Variants in ZC2HC1B observed in about 807,000 individuals in gnomAD.
ZC2HC1B encodes the protein zinc finger C2HC domain-containing protein 1B.
In ZC2HC1B, 36 loss-of-function variants were observed where a neutral mutation model predicts 31.0. That is an observed-to-expected ratio of 1.16 (90% CI 0.89 to 1.54). The LOEUF is 1.54. ZC2HC1B is among the 40% of genes most tolerant of loss of function. ZC2HC1B has a pLI of 0.00. For missense variants in ZC2HC1B, 260 were observed against 268.6 expected (o/e 0.97, Z 0.22); for synonymous variants, 73 against 88.0 (o/e 0.83, Z 0.95).
intron 1 of ZC2HC1B, among the ~76,000 whole-genome samples, chr6:143,873,871 T>A (rs1777375325): frequency 6.6e-6 from 1 of 152,236 alleles, no homozygotes; most frequent in South Asian, 2.1e-4. Context: ...TGAAATGGCC[T>A]GGAGACATTT....
intron 6 of ZC2HC1B, among the ~76,000 whole-genome samples, chr6:143,925,557 A>G (rs1778027317): frequency 8.4e-6 from 1 of 119,042 alleles, no homozygotes; most frequent in Admixed American, 9.5e-5. Flanking sequence ...TTTTTTTGAG[A>G]CGGAGTTTCG....
At chr6:143,912,940 G>A (rs1777877817) in intron 6 of ZC2HC1B, among the ~76,000 whole-genome samples, 2 of 152,238 alleles carry the variant, frequency 1.3e-5, no homozygotes, top group African/African-American at 4.8e-5. Context: ...CTGTGGGTGG[G>A]ACCTGACTGG....
chr6:143,902,949 C>G, intron 5 of ZC2HC1B, 95 bp from the exon 6 acceptor site: 1 of 1,134,126 alleles, frequency 8.8e-7, no homozygotes, highest in South Asian at 1.4e-5. Context: ...TACCATTCTG[C>G]TGCTGGTTAA....
chr6:143,890,448 C>T (rs563793347), intron 4 of ZC2HC1B, among the ~76,000 whole-genome samples: 2 of 150,014 alleles, frequency 1.3e-5, no homozygotes, highest in Admixed American at 6.6e-5. Context: ...AAAGGAACTT[C>T]CTCCATAAAG....
At chr6:143,866,377 G>A (rs1777262180) in intron 1 of ZC2HC1B, among the ~76,000 whole-genome samples, 1 of 152,250 alleles carries the variant, frequency 6.6e-6, no homozygotes, top group Non-Finnish European at 1.5e-5. Flanking sequence ...ACGCTGTAGA[G>A]TTATCAATTT....
chr6:143,898,757 TC>T, intron 5 of ZC2HC1B, 66 bp downstream of exon 5: 1 of 1,525,902 alleles, frequency 6.6e-7, no homozygotes, highest in Non-Finnish European at 8.9e-7. Context: ...CCGGTAGAAC[TC>T]CCTAGAGAAC....
Position 143,869,607 on chromosome 6 carries a change from C to G in ZC2HC1B, c.28+5040C>G, listed in dbSNP as rs947184175. ...GCATGGAGGATAGGCAAACCCATAT[C>G]CAGAGTGAGTGTTTATTCCAGTGAG... On this transcript the variant is annotated intron_variant, in intron 1 of 7. Coordinates refer to ENST00000237275, the MANE Select transcript of ZC2HC1B (RefSeq NM_001013623.3). The surrounding 1 kb of genome is among the most constrained non-coding windows in gnomAD (Gnocchi z 5.2). Among the ~76,000 whole-genome samples the G allele has an allele frequency of 6.6e-6, 1 of 152,182 alleles. No individual in the cohort carries two copies. Among genetic ancestry groups the G allele is most frequent in the African/African-American group, 2.4e-5 (1 of 41,444 alleles).
chr6:143,869,767 A>C lies in ZC2HC1B; in HGVS notation c.28+5200A>C, dbSNP rs1777314168. ...GGTCTCTGCTGCTGGCAAATTGGGC[A>C]CTCAGCAGTGGCTGTAGTCAGGTCA... On this transcript the variant is annotated intron_variant, in intron 1 of 7. Transcript: ENST00000237275. This position sits in a 1 kb window ranked among gnomAD's most constrained non-coding sequence, Gnocchi z 5.2. 1.3e-5 allele frequency among the ~76,000 whole-genome samples: 2 copies of C among 152,092 alleles called. 1 individual carries two copies. Among genetic ancestry groups the C allele is most frequent in the South Asian group, 4.1e-4 (2 of 4,820 alleles).
intron 4 of ZC2HC1B, 46 bp from the exon 5 acceptor site, chr6:143,898,506 T>G (rs1223199772): frequency 1.0e-5 from 16 of 1,542,710 alleles, no homozygotes; most frequent in Non-Finnish European, 1.4e-5. Flanking sequence ...ATTCTATAGT[T>G]GTTTTTGAAG....
rs1159015604 is a variant in ZC2HC1B at position 143,918,196 on chromosome 6, T to C, written c.598+15044T>C. The stretch of plus-strand genomic sequence containing the variant: ...CCTTTTTTTGGTAAGAGACAGGATC[T>C]TACTTGTTGCCCAGGCTGAACTCAA... On this transcript the variant is annotated intron_variant, in intron 6 of 7. Coordinates refer to ENST00000237275, the MANE Select transcript of ZC2HC1B (RefSeq NM_001013623.3). This position sits in a 1 kb window ranked among gnomAD's most constrained non-coding sequence, Gnocchi z 4.1. 6.8e-6 allele frequency among the ~76,000 whole-genome samples: 1 copy of C among 147,150 alleles called. No homozygotes were observed. Among genetic ancestry groups the C allele is most frequent in the Non-Finnish European group, 1.5e-5 (1 of 66,550 alleles).
chr6:143,935,000 G>A lies in ZC2HC1B; in HGVS notation c.599-2649G>A, dbSNP rs1311206701. ...GTTCCTGGGTGGCATGCATGGGGTTGCCAATAACATTGATGGTGGTAGACC... is the reference window on the plus strand; with the variant it reads ...GTTCCTGGGTGGCATGCATGGGGTTACCAATAACATTGATGGTGGTAGACC... On this transcript the variant is annotated intron_variant, in intron 6 of 7. Coordinates refer to ENST00000237275, the MANE Select transcript of ZC2HC1B (RefSeq NM_001013623.3). This position sits in a 1 kb window ranked among gnomAD's most constrained non-coding sequence, Gnocchi z 4.6. 6.6e-6 allele frequency among the ~76,000 whole-genome samples: 1 copy of A among 152,146 alleles called. No homozygotes were observed. The highest frequency in any genetic ancestry group is 1.5e-5 in the Non-Finnish European group (1 of 68,018).
rs117652954 is a variant in ZC2HC1B, at chr6:143,868,095, A to G, written c.28+3528A>G. Among the ~76,000 whole-genome samples, 167 of 152,122 alleles carry G rather than the reference A, an allele frequency of 1.1e-3. 2 individuals carry two copies. In the East Asian group the frequency reaches 0.022, roughly 20 times the overall value. On this transcript the variant is annotated intron_variant, in intron 1 of 7. Coordinates refer to ENST00000237275, the MANE Select transcript of ZC2HC1B (RefSeq NM_001013623.3). The surrounding 1 kb of genome is among the most constrained non-coding windows in gnomAD (Gnocchi z 4.2). ...TTTCTTCCATTTGTTTCCATTTCCA[A>G]TTTTGCTTTTTGGGAATCTGAAGCC...
At chr6:143,901,687 G>T (rs148021169) in intron 5 of ZC2HC1B, among the ~76,000 whole-genome samples, 55 of 152,282 alleles carry the variant, frequency 3.6e-4, no homozygotes, top group African/African-American at 1.2e-3. Context: ...GGGACTTATA[G>T]ATAAGTGAAG....
In ZC2HC1B at chr6:143,917,462, T is replaced by C. The variant is rs1777932834; in HGVS notation, c.598+14310T>C. Among the ~76,000 whole-genome samples, 1 of 152,256 alleles carries C rather than the reference T, an allele frequency of 6.6e-6. No individual in the cohort carries two copies. On this transcript the variant is annotated intron_variant, in intron 6 of 7. Coordinates refer to ENST00000237275, the MANE Select transcript of ZC2HC1B (RefSeq NM_001013623.3). The surrounding 1 kb of genome is among the most constrained non-coding windows in gnomAD (Gnocchi z 4.1). ...TTAGTAGTTACCATGGGGACTACAT[T>C]TAACTTCCTAATGTTATCACATTCT...
chr6:143,906,999 C>A (rs1358798040), intron 6 of ZC2HC1B, among the ~76,000 whole-genome samples: 2 of 152,128 alleles, frequency 1.3e-5, no homozygotes, highest in Admixed American at 1.3e-4. Context: ...TTCTCATCAT[C>A]CAGCTCCCAC....
rs776255600 is a variant in ZC2HC1B, at chr6:143,871,296, G to C, written c.28+6729G>C. 2.0e-5 allele frequency among the ~76,000 whole-genome samples: 3 copies of C among 152,192 alleles called. No homozygotes were observed. Among genetic ancestry groups the C allele is most frequent in the Non-Finnish European group, 4.4e-5 (3 of 68,038 alleles). ...GTGTGATACCTTGTGGAAGCAAAAAGTGATCAAGGTCTCTCTGAATAAGAT... is the reference window on the plus strand; with the variant it reads ...GTGTGATACCTTGTGGAAGCAAAAACTGATCAAGGTCTCTCTGAATAAGAT... On this transcript the variant is annotated intron_variant, in intron 1 of 7. Transcript: ENST00000237275. The surrounding 1 kb of genome is among the most constrained non-coding windows in gnomAD (Gnocchi z 4.1).
rs775164790 is a variant in ZC2HC1B at position 143,903,144 on chromosome 6, C to T, written c.590C>T (p.Thr197Ile). 1.2e-5 allele frequency: 18 copies of T among 1,552,026 alleles called. No individual in the cohort carries two copies. In the South Asian group the frequency reaches 1.7e-4, roughly 14 times the overall value. Residue 197 changes from threonine to isoleucine, a missense_variant, in exon 6 of 8, where the codon ACC (threonine) becomes ATC (isoleucine). Thr to Ile is a moderately conservative substitution (Grantham distance 89). Transcript: ENST00000237275. This position sits in a 1 kb window ranked among gnomAD's most constrained non-coding sequence, Gnocchi z 4.3. ...CTGGTGGCCACGAATGAAGTCCCAACCAAGTCAGGTGAGTCAAAGCACGCA... is the reference window on the plus strand; with the variant it reads ...CTGGTGGCCACGAATGAAGTCCCAATCAAGTCAGGTGAGTCAAAGCACGCA... ...RVLVATNEVPTKSGLAMDPAS... is the reference protein window; with the variant it reads ...RVLVATNEVPIKSGLAMDPAS...
At chr6:143,891,693 CAA>C (rs61241733) in intron 4 of ZC2HC1B, among the ~76,000 whole-genome samples, 34 of 66,850 alleles carry the variant, frequency 5.1e-4, no homozygotes, top group Admixed American at 9.3e-4. Flanking sequence ...AACTCTGTCT[CAA>C]AAAAAAAAAA....
rs1446367290 is a variant in ZC2HC1B at position 143,865,663 on chromosome 6, CA to C, written c.28+1099del. 6.6e-6 allele frequency among the ~76,000 whole-genome samples: 1 copy of C among 151,956 alleles called. No homozygotes were observed. The highest frequency in any genetic ancestry group is 2.4e-5 in the African/African-American group (1 of 41,330). On this transcript the variant is annotated intron_variant, in intron 1 of 7. Coordinates refer to ENST00000237275, the MANE Select transcript of ZC2HC1B (RefSeq NM_001013623.3). The surrounding 1 kb of genome is among the most constrained non-coding windows in gnomAD (Gnocchi z 4.4). Reference sequence around the variant, plus strand: ...GTGCCTGGCATTCAGTATACAGTCACAAAGTAGTGTATGAATGAATGGATAG... The same window carrying C: ...GTGCCTGGCATTCAGTATACAGTCACAAGTAGTGTATGAATGAATGGATAG...
Sources: gnomAD v4.1 joint callset for allele counts (sites outside exome capture counted in the v4.1 genomes callset) on GRCh38, gnomAD v4.1.1 for gene constraint, Gnocchi (gnomAD v3.1) non-coding constraint, MANE v1.5 for transcripts, NCBI Gene and HGNC (gene_info 2026-07-23, HGNC 2026-07-21) for gene names.